ZC2HC1B: variants seen among roughly 807,000 people sequenced by gnomAD.
ZC2HC1B encodes zinc finger C2HC domain-containing protein 1B.
Under a neutral mutation model 31.0 loss-of-function variants are expected in ZC2HC1B, and 36 were observed. The ratio of observed to expected loss-of-function variants is 1.16; its 90% CI spans 0.89 to 1.54. ZC2HC1B has a LOEUF of 1.54. ZC2HC1B is among the 40% of genes most tolerant of loss of function. ZC2HC1B has a pLI of 0.00. For synonymous variants in ZC2HC1B, 73 were observed against 88.0 expected, an observed-to-expected ratio of 0.83 and a Z score of 0.95; for missense variants, 260 against 268.6, an observed-to-expected ratio of 0.97 and a Z score of 0.22.
chr6:143,931,111 T>G (rs1778113694), intron 6 of ZC2HC1B, among the ~76,000 whole-genome samples: 1 of 152,220 alleles, frequency 6.6e-6, no homozygotes, highest in Admixed American at 6.5e-5. Flanking sequence ...TTGTTTGATA[T>G]GAGAATAGCT....
intron 6 of ZC2HC1B, among the ~76,000 whole-genome samples, chr6:143,929,259 C>T (rs1778089224): frequency 6.6e-6 from 1 of 152,074 alleles, no homozygotes. Flanking sequence ...AGGTATGTTC[C>T]TTCTATGCCT....
rs755864519 is a variant in ZC2HC1B at position 143,917,856 on chromosome 6, C to T, written c.598+14704C>T. 9.2e-5 allele frequency among the ~76,000 whole-genome samples: 14 copies of T among 152,226 alleles called. No homozygotes were observed. The highest frequency in any genetic ancestry group is 2.2e-4 in the African/African-American group (9 of 41,532). ...CTCTTAAATTATGTATAAAACAAAA[C>T]GTGGAGTTACAAACCAGTTACAGTA... On this transcript the variant is annotated intron_variant, in intron 6 of 7. Coordinates refer to ENST00000237275, the MANE Select transcript of ZC2HC1B (RefSeq NM_001013623.3). The surrounding 1 kb of genome is among the most constrained non-coding windows in gnomAD (Gnocchi z 4.1).
At chr6:143,882,010 A>T (rs1260348855) in intron 1 of ZC2HC1B, among the ~76,000 whole-genome samples, 1 of 152,136 alleles carries the variant, frequency 6.6e-6, no homozygotes, top group Admixed American at 6.6e-5. Context: ...CGGTTGAATT[A>T]ACAGTCTTAA....
At chr6:143,929,575 A>G (rs951484862) in intron 6 of ZC2HC1B, among the ~76,000 whole-genome samples, 2 of 152,196 alleles carry the variant, frequency 1.3e-5, no homozygotes, top group African/African-American at 2.4e-5. Context: ...TGTTGGTAGC[A>G]AAGTGATACT....
At position 143,934,840 on chromosome 6, in the gene ZC2HC1B, A is replaced by G. The variant is rs1301977101; in HGVS notation, c.599-2809A>G. 6.6e-6 allele frequency among the ~76,000 whole-genome samples: 1 copy of G among 152,154 alleles called. No individual in the cohort carries two copies. Among genetic ancestry groups the G allele is most frequent in the East Asian group, 1.9e-4 (1 of 5,200 alleles). ...CAGGCCTCAGTGGTGGCAGCAGTAG[A>G]CTGAGCCTGCCTGTCCTTGGGACCC... On this transcript the variant is annotated intron_variant, in intron 6 of 7. Transcript: ENST00000237275. This position sits in a 1 kb window ranked among gnomAD's most constrained non-coding sequence, Gnocchi z 4.6.
chr6:143,916,578 G>A (rs1777918945), intron 6 of ZC2HC1B, among the ~76,000 whole-genome samples: 2 of 152,332 alleles, frequency 1.3e-5, no homozygotes, highest in Non-Finnish European at 2.9e-5. Context: ...CAGCCAGGAG[G>A]GGCTGTATCC....
At position 143,871,885 on chromosome 6, in the gene ZC2HC1B, G is replaced by C. The variant is rs1339668120; in HGVS notation, c.28+7318G>C. Among the ~76,000 whole-genome samples the C allele has an allele frequency of 6.6e-6, 1 of 152,114 alleles. No individual in the cohort carries two copies. The highest frequency in any genetic ancestry group is 2.4e-5 in the African/African-American group (1 of 41,424). ...TCTGGCACTGGGGAAATGACCACAG[G>C]ATGAGTCCAGGGATCCACTGGACCC... On this transcript the variant is annotated intron_variant, in intron 1 of 7. Transcript: ENST00000237275. This position sits in a 1 kb window ranked among gnomAD's most constrained non-coding sequence, Gnocchi z 4.1.
intron 6 of ZC2HC1B, among the ~76,000 whole-genome samples, chr6:143,928,824 G>GTTTTTTTTTT (rs59359194): frequency 1.4e-5 from 2 of 142,322 alleles, no homozygotes; most frequent in Admixed American, 6.9e-5. Context: ...TATTCCTAGG[G>GTTTTTTTTTT]TTTTTTTTTT....
At chr6:143,931,052 A>T (rs1256363684) in intron 6 of ZC2HC1B, among the ~76,000 whole-genome samples, 1 of 152,168 alleles carries the variant, frequency 6.6e-6, no homozygotes, top group Admixed American at 6.5e-5. Context: ...GTATAATTAT[A>T]TAATGTCTCT....
Position 143,919,812 on chromosome 6 carries a change from G to A in ZC2HC1B, c.598+16660G>A, listed in dbSNP as rs1024923778. On this transcript the variant is annotated intron_variant, in intron 6 of 7. Transcript: ENST00000237275. ...TCAAGCCTTCCCCTGGAAGTTGCAA[G>A]TCTTCAATAGACTCCAGAGTCCAAA... 1.7e-4 allele frequency among the ~76,000 whole-genome samples: 26 copies of A among 152,278 alleles called. 1 individual carries two copies. Among genetic ancestry groups the A allele is most frequent in the African/African-American group, 6.3e-4 (26 of 41,548 alleles).
chr6:143,884,173 G>C lies in ZC2HC1B; in HGVS notation c.29-131G>C. 1 of 741,876 alleles carries C rather than the reference G, an allele frequency of 1.3e-6. No homozygotes were observed. The allele number at this position is 741,876 out of a possible 1,614,324, so 46.0% of individuals were successfully genotyped here. ...AGTTTACACAGGGTCTTCCCAAAGG[G>C]AAGAAGCAGTTGGTGGGGAGGGAAA... On this transcript the variant is annotated intron_variant, in intron 1 of 7. Transcript: ENST00000237275. This position sits in a 1 kb window ranked among gnomAD's most constrained non-coding sequence, Gnocchi z 5.1.
At chr6:143,880,162 A>G (rs922818532) in intron 1 of ZC2HC1B, among the ~76,000 whole-genome samples, 6 of 152,058 alleles carry the variant, frequency 3.9e-5, no homozygotes, top group Non-Finnish European at 5.9e-5. Flanking sequence ...ACAAAGCTTT[A>G]TCACTCCCAG....
intron 4 of ZC2HC1B, among the ~76,000 whole-genome samples, chr6:143,896,196 C>T (rs553516387): frequency 6.6e-6 from 1 of 152,242 alleles, no homozygotes; most frequent in African/African-American, 2.4e-5. Context: ...TGTCTGTTTG[C>T]CTAATCATCT....
intron 6 of ZC2HC1B, among the ~76,000 whole-genome samples, chr6:143,919,212 A>G: frequency 7.9e-6 from 1 of 126,716 alleles, no homozygotes; most frequent in East Asian, 2.4e-4. Context: ...AGGGTTTGCT[A>G]TTCTCTGTGT....
At position 143,921,793 on chromosome 6, in the gene ZC2HC1B, G is replaced by A. The variant is rs1421432473; in HGVS notation, c.599-15856G>A. 2.0e-5 allele frequency among the ~76,000 whole-genome samples: 3 copies of A among 152,146 alleles called. No individual in the cohort carries two copies. Among genetic ancestry groups the A allele is most frequent in the Non-Finnish European group, 2.9e-5 (2 of 68,026 alleles). On this transcript the variant is annotated intron_variant, in intron 6 of 7. Transcript: ENST00000237275. The surrounding 1 kb of genome is among the most constrained non-coding windows in gnomAD (Gnocchi z 6.1). ...AGAAAAATTTAAAAATTTGCTACAT[G>A]TGGTGGCACCCACTTGTAGCTCTTG...
intron 4 of ZC2HC1B, among the ~76,000 whole-genome samples, chr6:143,896,767 TAA>T (rs1777670678): frequency 6.6e-6 from 1 of 152,172 alleles, no homozygotes; most frequent in South Asian, 2.1e-4. Context: ...ACATAGCAAG[TAA>T]AGAACTCAGG....
rs1475284961 is a variant in ZC2HC1B, at chr6:143,918,997, C to T, written c.598+15845C>T. 2.6e-5 allele frequency among the ~76,000 whole-genome samples: 4 copies of T among 151,982 alleles called. No homozygotes were observed. Among genetic ancestry groups the T allele is most frequent in the Admixed American group, 6.6e-5 (1 of 15,236 alleles). On this transcript the variant is annotated intron_variant, in intron 6 of 7. Transcript: ENST00000237275. The surrounding 1 kb of genome is among the most constrained non-coding windows in gnomAD (Gnocchi z 4.1). Reference sequence around the variant, plus strand: ...CTTTTTTTAGTTCCCTGAGCATCTTCAGTTGTTTAAAAGTATTTGTCTAAT... The same window carrying T: ...CTTTTTTTAGTTCCCTGAGCATCTTTAGTTGTTTAAAAGTATTTGTCTAAT...
Position 143,917,568 on chromosome 6 carries a change from T to A in ZC2HC1B, c.598+14416T>A, listed in dbSNP as rs949880407. Among the ~76,000 whole-genome samples, 1 of 152,216 alleles carries A rather than the reference T, an allele frequency of 6.6e-6. No individual in the cohort carries two copies. Among genetic ancestry groups the A allele is most frequent in the African/African-American group, 2.4e-5 (1 of 41,448 alleles). ...ATGTCTTTTCCACCCATTTTGTTATTGATGTCACAAAATTACATCTTTATA... is the reference window on the plus strand; with the variant it reads ...ATGTCTTTTCCACCCATTTTGTTATAGATGTCACAAAATTACATCTTTATA... On this transcript the variant is annotated intron_variant, in intron 6 of 7. Coordinates refer to ENST00000237275, the MANE Select transcript of ZC2HC1B (RefSeq NM_001013623.3). This position sits in a 1 kb window ranked among gnomAD's most constrained non-coding sequence, Gnocchi z 4.1.
chr6:143,880,275 A>G (rs1463148133), intron 1 of ZC2HC1B, among the ~76,000 whole-genome samples: 1 of 152,210 alleles, frequency 6.6e-6, no homozygotes, highest in Non-Finnish European at 1.5e-5. Flanking sequence ...CCAGATAGAG[A>G]GGAAAAAGAA....
Sources: allele counts gnomAD v4.1 joint callset (sites outside exome capture counted in the v4.1 genomes callset), GRCh38; gene constraint gnomAD v4.1.1; non-coding constraint Gnocchi (gnomAD v3.1); transcripts MANE v1.5; gene names NCBI Gene and HGNC (gene_info 2026-07-23, HGNC 2026-07-21).